ETV6: variants seen among roughly 807,000 people sequenced by gnomAD.
ETV6 encodes ETS variant transcription factor 6, also known as transcription factor ETV6.
In ETV6, 16 loss-of-function variants were observed where a neutral mutation model predicts 51.1. The observed-to-expected ratio is 0.31, with a 90% confidence interval of 0.21 to 0.48. ETV6 has a LOEUF of 0.48. ETV6 is among the 20% of genes least tolerant of loss of function. The probability of loss-of-function intolerance (pLI) is 0.99; values close to 1 mark genes in which losing one functional copy is unlikely to be tolerated. For synonymous variants in ETV6, 240 were observed against 224.1 expected (o/e 1.07, Z -0.64); for missense variants, 458 against 594.8 (o/e 0.77, Z 2.39).
intron 1 of ETV6, chr12:11,750,792 CTTTTT>C (rs6144613): frequency 1.6e-3 from 577 of 369,178 alleles, no homozygotes; most frequent in African/African-American, 3.0e-3. Flanking sequence ...TATGTGTGGG[CTTTTT>C]TTTTTTTTTT....
chr12:11,807,326 CTT>C (rs1945843176), intron 2 of ETV6, among the ~76,000 whole-genome samples: 1 of 152,302 alleles, frequency 6.6e-6, no homozygotes, highest in African/African-American at 2.4e-5. Context: ...GCCAACATCA[CTT>C]TTTATTTAAC....
chr12:11,885,788 A>T (rs72552379), intron 6 of ETV6, 138 bp from the exon 7 acceptor site: 2 of 618,780 alleles, frequency 3.2e-6, no homozygotes, highest in East Asian at 2.8e-5. Context: ...GCCGATTAGC[A>T]GGTAGCTTCC....
intron 2 of ETV6, among the ~76,000 whole-genome samples, chr12:11,836,542 C>T (rs553553288): frequency 6.0e-4 from 91 of 152,182 alleles, no homozygotes; most frequent in African/African-American, 1.9e-3. Flanking sequence ...CTGTGGGAGA[C>T]ATTAATGGGA....
At chr12:11,865,720 A>G (rs1946782446) in intron 4 of ETV6, among the ~76,000 whole-genome samples, 1 of 149,200 alleles carries the variant, frequency 6.7e-6, no homozygotes, top group Admixed American at 6.7e-5. Flanking sequence ...TATACTATAT[A>G]TCATACTATG....
intron 1 of ETV6, among the ~76,000 whole-genome samples, chr12:11,746,176 A>G (rs1865905351): frequency 6.6e-6 from 1 of 152,206 alleles, no homozygotes; most frequent in Non-Finnish European, 1.5e-5. Flanking sequence ...GAGCAACGAA[A>G]TATTCGAAGG....
At chr12:11,700,928 C>G (rs1201101465) in intron 1 of ETV6, among the ~76,000 whole-genome samples, 1 of 152,124 alleles carries the variant, frequency 6.6e-6, no homozygotes, top group African/African-American at 2.4e-5. Context: ...CTGTTTGTTT[C>G]CTACTGTGGA....
chr12:11,881,040 C>A (rs4763732), intron 5 of ETV6, among the ~76,000 whole-genome samples: 27,691 of 152,028 alleles, frequency 0.18, 2,988 homozygotes, highest in East Asian at 0.36. Flanking sequence ...TGGGCTCAAG[C>A]AATTCTCCCA....
intron 2 of ETV6, among the ~76,000 whole-genome samples, chr12:11,788,382 C>T (rs539274566): frequency 5.3e-5 from 8 of 152,162 alleles, no homozygotes; most frequent in South Asian, 2.1e-4. Context: ...TTAAAAAAAA[C>T]GAACCACCAC....
chr12:11,788,168 A>C (rs1305446427), intron 2 of ETV6, among the ~76,000 whole-genome samples: 1 of 152,260 alleles, frequency 6.6e-6, no homozygotes, highest in African/African-American at 2.4e-5. Flanking sequence ...CATCATTTCC[A>C]TAGGATTAGG....
intron 1 of ETV6, among the ~76,000 whole-genome samples, chr12:11,711,892 A>AT: frequency 6.6e-6 from 1 of 152,290 alleles, no homozygotes; most frequent in East Asian, 1.9e-4. Context: ...CGTGGGTGGA[A>AT]TTGCATCACT....
At chr12:11,832,280 A>C (rs1163262861) in intron 2 of ETV6, among the ~76,000 whole-genome samples, 1 of 152,246 alleles carries the variant, frequency 6.6e-6, no homozygotes, top group Non-Finnish European at 1.5e-5. Flanking sequence ...AATGATTGTC[A>C]GACTGAAACA....
At chr12:11,858,184 T>C (rs1450185089) in intron 4 of ETV6, among the ~76,000 whole-genome samples, 1 of 152,178 alleles carries the variant, frequency 6.6e-6, no homozygotes, top group Admixed American at 6.5e-5. Context: ...CTTTGTAATA[T>C]GAATTAGAAT....
chr12:11,870,614 C>T (rs936942136), intron 5 of ETV6, among the ~76,000 whole-genome samples: 1 of 152,206 alleles, frequency 6.6e-6, no homozygotes, highest in Admixed American at 6.5e-5. Context: ...TTTACATGAA[C>T]TCATTCTTCA....
chr12:11,874,726 A>G (rs982494044), intron 5 of ETV6, among the ~76,000 whole-genome samples: 2 of 149,434 alleles, frequency 1.3e-5, no homozygotes, highest in African/African-American at 4.9e-5. Flanking sequence ...GTGTATATAT[A>G]TGTGTATATA....
At chr12:11,838,120 A>C (rs1297362615) in intron 2 of ETV6, among the ~76,000 whole-genome samples, 1 of 152,232 alleles carries the variant, frequency 6.6e-6, no homozygotes, top group Non-Finnish European at 1.5e-5. Context: ...CTGGACGCTC[A>C]TCTCTGTTTC....
At chr12:11,758,233 C>G (rs768866135) in intron 2 of ETV6, among the ~76,000 whole-genome samples, 1 of 152,164 alleles carries the variant, frequency 6.6e-6, no homozygotes, top group Non-Finnish European at 1.5e-5. Flanking sequence ...AAGTTTCTAA[C>G]GACACCTACT....
chr12:11,833,763 T>G (rs908906278), intron 2 of ETV6, among the ~76,000 whole-genome samples: 4 of 152,204 alleles, frequency 2.6e-5, no homozygotes, highest in African/African-American at 9.7e-5. Context: ...AATCACTTGC[T>G]TACAAGTAAG....
chr12:11,661,859 G>A (rs1285721434), intron 1 of ETV6, among the ~76,000 whole-genome samples: 2 of 152,210 alleles, frequency 1.3e-5, no homozygotes, highest in African/African-American at 4.8e-5. Flanking sequence ...AGATGAGGGT[G>A]TGCTCCTCTG....
chr12:11,684,719 A>G (rs547807386), intron 1 of ETV6, among the ~76,000 whole-genome samples: 1 of 152,336 alleles, frequency 6.6e-6, no homozygotes, highest in East Asian at 1.9e-4. Context: ...GCAAAATGTC[A>G]TTATTACACC....
Sources: gnomAD v4.1 joint callset for allele counts (sites outside exome capture counted in the v4.1 genomes callset) on GRCh38, gnomAD v4.1.1 for gene constraint, MANE v1.5 for transcripts, NCBI Gene and HGNC (gene_info 2026-07-23, HGNC 2026-07-21) for gene names.